Variants in POU6F2 observed in about 807,000 individuals in gnomAD.
POU6F2 encodes POU class 6 homeobox 2, also known as POU domain, class 6, transcription factor 2.
Under a neutral mutation model 71.3 loss-of-function variants are expected in POU6F2, and 31 were observed. That is an observed-to-expected ratio of 0.43 (90% CI 0.33 to 0.59). The LOEUF (loss-of-function observed/expected upper bound fraction) is 0.59, where lower values mean the gene tolerates loss of function less well. Ranked by LOEUF, POU6F2 falls within the 20% of genes least tolerant of loss-of-function variation. POU6F2 has a pLI of 0.04. For synonymous variants in POU6F2, 347 were observed against 355.7 expected (o/e 0.98, Z 0.27); for missense variants, 783 against 856.8 (o/e 0.91, Z 1.07).
intron 4 of POU6F2, among the ~76,000 whole-genome samples, chr7:39,267,266 G>A (rs1784264120): frequency 6.6e-6 from 1 of 152,182 alleles, no homozygotes; most frequent in Admixed American, 6.5e-5. Flanking sequence ...AAAAGCAAAT[G>A]GGATTGGGCT....
At chr7:39,205,321 CTGTG>C (rs147483328) in intron 3 of POU6F2, among the ~76,000 whole-genome samples, 2 of 152,072 alleles carry the variant, frequency 1.3e-5, no homozygotes, top group South Asian at 2.1e-4. Context: ...TTATGTGTGT[CTGTG>C]TGTGTGTATG....
At chr7:39,044,395 A>G (rs892851863) in intron 1 of POU6F2, among the ~76,000 whole-genome samples, 2 of 151,954 alleles carry the variant, frequency 1.3e-5, no homozygotes, top group African/African-American at 2.4e-5. Flanking sequence ...GATTATAGAT[A>G]TATTTTATGT....
chr7:39,047,901 T>C (rs1331410385), intron 1 of POU6F2, among the ~76,000 whole-genome samples: 1 of 151,962 alleles, frequency 6.6e-6, no homozygotes, highest in Non-Finnish European at 1.5e-5. Flanking sequence ...TTTAAACTGC[T>C]GATTGGTTTG....
intron 2 of POU6F2, among the ~76,000 whole-genome samples, chr7:39,139,313 C>G (rs541591224): frequency 3.5e-4 from 53 of 152,312 alleles, no homozygotes; most frequent in African/African-American, 1.2e-3. Flanking sequence ...GAGGCAGCAT[C>G]TAGGGAGACT....
chr7:38,986,069 T>C (rs1310653100), intron 1 of POU6F2, among the ~76,000 whole-genome samples: 3 of 152,084 alleles, frequency 2.0e-5, no homozygotes, highest in African/African-American at 2.4e-5. Flanking sequence ...CTCACAGACA[T>C]ACTTTAAACA....
chr7:39,257,518 T>C (rs987014659), intron 4 of POU6F2, among the ~76,000 whole-genome samples: 1 of 152,182 alleles, frequency 6.6e-6, no homozygotes, highest in African/African-American at 2.4e-5. Flanking sequence ...GCCGCTTACA[T>C]TGTGTCTCCG....
Position 39,051,912 on chromosome 7 carries a change from G to A in POU6F2, c.106-33948G>A, listed in dbSNP as rs137859637. ...GGGTGTCCTTGTCATGCACAATACTGTGTGGTTGGGAGGCGTGTAAAGTAA... is the reference window on the plus strand; with the variant it reads ...GGGTGTCCTTGTCATGCACAATACTATGTGGTTGGGAGGCGTGTAAAGTAA... On this transcript the variant is annotated intron_variant, in intron 1 of 9. Transcript: ENST00000518318. Among the ~76,000 whole-genome samples the A allele has an allele frequency of 6.2e-3, 941 of 152,192 alleles. 11 individuals are homozygous for A. The highest frequency in any genetic ancestry group is 0.021 in the African/African-American group (866 of 41,540).
At chr7:39,004,764 A>G (rs976047294) in intron 1 of POU6F2, among the ~76,000 whole-genome samples, 2 of 152,210 alleles carry the variant, frequency 1.3e-5, no homozygotes, top group Non-Finnish European at 2.9e-5. Flanking sequence ...AAATATACTG[A>G]AAATCAGGGC....
In POU6F2 at chr7:39,042,064, G is replaced by A. The variant is rs536498228; in HGVS notation, c.106-43796G>A. 5.3e-5 allele frequency among the ~76,000 whole-genome samples: 8 copies of A among 152,042 alleles called. No homozygotes were observed. The East Asian group carries it at 1.2e-3, about 22-fold the overall frequency. ...TACATACTCTGAAGAATGGGCAGGA[G>A]AGCATGTGGGAGGAACAGAGGGAAA... On this transcript the variant is annotated intron_variant, in intron 1 of 9. Coordinates refer to ENST00000518318, the MANE Select transcript of POU6F2 (RefSeq NM_001370959.1).
intron 2 of POU6F2, among the ~76,000 whole-genome samples, chr7:39,160,843 A>G (rs978555724): frequency 3.3e-5 from 5 of 152,102 alleles, no homozygotes; most frequent in African/African-American, 1.2e-4. Context: ...CCAGAGGATA[A>G]TTTTTGTCAG....
chr7:39,164,843 A>G (rs16870180), intron 2 of POU6F2, among the ~76,000 whole-genome samples: 19,735 of 152,156 alleles, frequency 0.13, 1,301 homozygotes, highest in Middle Eastern at 0.15. Context: ...AGGCTTTACA[A>G]GGAGATGCTG....
chr7:39,363,462 A>C (rs1222671666), intron 5 of POU6F2, among the ~76,000 whole-genome samples: 2 of 151,952 alleles, frequency 1.3e-5, no homozygotes, highest in Non-Finnish European at 2.9e-5. Flanking sequence ...TTGGATAATC[A>C]GGTTTTGGAA....
At chr7:39,413,464 G>A (rs1051962402) in intron 6 of POU6F2, among the ~76,000 whole-genome samples, 1 of 152,138 alleles carries the variant, frequency 6.6e-6, no homozygotes, top group Non-Finnish European at 1.5e-5. Context: ...CAGAGTTGGT[G>A]TCTGTATGTT....
rs757696894 is a variant in POU6F2 at position 39,406,199 on chromosome 7, G to A, written c.973-401G>A. ...TAAAAATCTATTCCTCTCTTTCCCC[G>A]ATCCCCATCCTGTTTACTCTCCTAT... is the stretch of plus-strand genomic sequence containing the variant. On this transcript the variant is annotated intron_variant, in intron 5 of 9. Transcript: ENST00000518318. The A allele has an allele frequency of 7.2e-4, 116 of 161,660 alleles. 1 individual carries two copies. The highest frequency in any genetic ancestry group is 6.3e-4 in the Admixed American group (10 of 15,930). 10.0% of individuals were successfully genotyped at this position (161,660 alleles called of 1,614,324 possible). A position where few individuals can be genotyped will look rare whatever the true frequency, so the allele number is the denominator to read the frequency against.
At chr7:39,135,075 A>C (rs1209454404) in intron 2 of POU6F2, among the ~76,000 whole-genome samples, 1 of 152,234 alleles carries the variant, frequency 6.6e-6, no homozygotes, top group Non-Finnish European at 1.5e-5. Context: ...AAATAGAAGG[A>C]AAAATTCAAT....
At chr7:39,303,841 G>A (rs181944911) in intron 4 of POU6F2, among the ~76,000 whole-genome samples, 2 of 152,304 alleles carry the variant, frequency 1.3e-5, no homozygotes, top group East Asian at 3.9e-4. Context: ...AAAAAACAAA[G>A]TCAAGAAATA....
chr7:39,373,507 G>C (rs1786654425), intron 5 of POU6F2: 2 of 456,574 alleles, frequency 4.4e-6, no homozygotes, highest in Non-Finnish European at 8.8e-6. Flanking sequence ...TATGGACTAA[G>C]GGAGAAAGGT....
At chr7:39,141,523 G>T (rs865847145) in intron 2 of POU6F2, among the ~76,000 whole-genome samples, 1 of 152,142 alleles carries the variant, frequency 6.6e-6, no homozygotes, top group Non-Finnish European at 1.5e-5. Context: ...TTTTACTAAA[G>T]TCTATTGCAT....
intron 5 of POU6F2, among the ~76,000 whole-genome samples, chr7:39,398,961 G>C (rs377052449): frequency 2.0e-5 from 3 of 152,008 alleles, no homozygotes; most frequent in Non-Finnish European, 4.4e-5. Flanking sequence ...AGCTAACTAC[G>C]GGCAGCCTCA....
Sources: allele counts gnomAD v4.1 joint callset (sites outside exome capture counted in the v4.1 genomes callset), GRCh38; gene constraint gnomAD v4.1.1; transcripts MANE v1.5; gene names NCBI Gene and HGNC (gene_info 2026-07-23, HGNC 2026-07-21).